Variants in CHN1 observed in about 807,000 individuals in gnomAD.
CHN1 encodes the protein N-chimaerin.
In CHN1, 37 loss-of-function variants were observed where a neutral mutation model predicts 59.5. The observed-to-expected ratio is 0.62, with a 90% CI of 0.48 to 0.82. CHN1 has a LOEUF of 0.82. CHN1 is among the 40% of genes least tolerant of loss of function. The probability of loss-of-function intolerance (pLI) is 0.00; values close to 1 mark genes in which losing one functional copy is unlikely to be tolerated. For missense variants in CHN1, 469 were observed against 571.0 expected, an observed-to-expected ratio of 0.82 and a Z score of 1.82; for synonymous variants, 206 against 200.4, an observed-to-expected ratio of 1.03 and a Z score of -0.24.
At chr2:174,974,898 T>TAC (rs373940330) in intron 1 of CHN1, among the ~76,000 whole-genome samples, 32,461 of 143,798 alleles carry the variant, frequency 0.23, 3,664 homozygotes, top group African/African-American at 0.27. Context: ...AAATAATTAA[T>TAC]ACACACACAC....
At chr2:174,828,057 G>A (rs1266120149) in intron 7 of CHN1, among the ~76,000 whole-genome samples, 2 of 152,182 alleles carry the variant, frequency 1.3e-5, no homozygotes, top group African/African-American at 2.4e-5. Context: ...TCCCTGAGTT[G>A]GGAGGGAAGA....
chr2:174,896,200 T>C (rs1196251084), intron 5 of CHN1, among the ~76,000 whole-genome samples: 1 of 152,138 alleles, frequency 6.6e-6, no homozygotes, highest in East Asian at 1.9e-4. Flanking sequence ...CTGGTTTGTA[T>C]TCCTGAGGTA....
intron 7 of CHN1, chr2:174,846,309 G>A (rs758577600): frequency 1.0e-4 from 154 of 1,546,864 alleles, no homozygotes; most frequent in Non-Finnish European, 1.2e-4. Flanking sequence ...CTACACATAC[G>A]CATACATGGT....
At chr2:174,987,540 T>TG (rs1200111213) in intron 1 of CHN1, among the ~76,000 whole-genome samples, 1 of 152,018 alleles carries the variant, frequency 6.6e-6, no homozygotes, top group Non-Finnish European at 1.5e-5. Context: ...CCCGAGTAGC[T>TG]GGGATAACAA....
intron 7 of CHN1, among the ~76,000 whole-genome samples, chr2:174,830,769 C>A (rs371171427): frequency 2.2e-4 from 34 of 152,278 alleles, no homozygotes; most frequent in African/African-American, 7.9e-4. Context: ...GGAAGGGGCG[C>A]AGGTGCTAAT....
intron 2 of CHN1, among the ~76,000 whole-genome samples, chr2:174,947,632 C>T (rs1689887018): frequency 6.6e-6 from 1 of 151,708 alleles, no homozygotes; most frequent in Non-Finnish European, 1.5e-5. Flanking sequence ...TACAGGCACA[C>T]ACCACCACGT....
intron 5 of CHN1, among the ~76,000 whole-genome samples, chr2:174,900,355 T>A (rs550624194): frequency 5.3e-5 from 8 of 152,044 alleles, no homozygotes; most frequent in African/African-American, 1.9e-4. Flanking sequence ...AATGAAAAAA[T>A]TAGCCAGGTG....
intron 7 of CHN1, among the ~76,000 whole-genome samples, chr2:174,842,374 C>A (rs990753609): frequency 6.6e-6 from 1 of 151,988 alleles, no homozygotes; most frequent in Admixed American, 6.6e-5. Flanking sequence ...AGTTCCTTTT[C>A]AAATCAACGT....
In CHN1 at chr2:174,809,019, CAG is replaced by C. The variant is rs1380348126; in HGVS notation, c.986_987del (p.Ser329CysfsTer5). Reference protein sequence around the residue: ...FDRDGEKADISVNMYEDINII... With the variant: ...FDRDGEKADIXVNMYEDINII... Reference sequence around the variant, plus strand: ...ATGTTGATATCTTCATACATGTTCACAGAAATATCTGCCTTCTCACCATCTTT... The same window carrying C: ...ATGTTGATATCTTCATACATGTTCACAAATATCTGCCTTCTCACCATCTTT... On this transcript the variant is annotated frameshift_variant, in exon 11 of 13. Transcript: ENST00000409900. LOFTEE classifies it high-confidence loss of function. 1 of 1,609,132 alleles carries C rather than the reference CAG, an allele frequency of 6.2e-7. No individual in the cohort carries two copies. Among genetic ancestry groups the C allele is most frequent in the African/African-American group, 1.3e-5 (1 of 74,830 alleles).
chr2:174,846,425 GA>G (rs1481198660), intron 7 of CHN1: 2 of 1,536,454 alleles, frequency 1.3e-6, no homozygotes, highest in East Asian at 2.5e-5. Flanking sequence ...TAACAGGGGA[GA>G]AAAGACAGAA....
intron 1 of CHN1, among the ~76,000 whole-genome samples, chr2:174,957,195 G>A (rs201924527): frequency 3.3e-5 from 5 of 152,238 alleles, no homozygotes; most frequent in Admixed American, 1.3e-4. Context: ...ACTTTAGCAC[G>A]AGGCTTGGGG....
intron 3 of CHN1, among the ~76,000 whole-genome samples, chr2:174,923,288 C>G (rs909497986): frequency 1.3e-5 from 2 of 152,062 alleles, no homozygotes; most frequent in Non-Finnish European, 2.9e-5. Flanking sequence ...CTACAGGCGC[C>G]CGCCACCATG....
chr2:174,980,286 T>C (rs1203839501), intron 1 of CHN1, among the ~76,000 whole-genome samples: 2 of 152,162 alleles, frequency 1.3e-5, no homozygotes, highest in Admixed American at 6.5e-5. Context: ...CTTGCTTGTT[T>C]ACTTGAAAAC....
chr2:174,860,555 T>C (rs548371135), intron 6 of CHN1, among the ~76,000 whole-genome samples: 26 of 152,292 alleles, frequency 1.7e-4, no homozygotes, highest in African/African-American at 6.3e-4. Context: ...ATACATTTTA[T>C]TGAGTATCTA....
intron 5 of CHN1, among the ~76,000 whole-genome samples, chr2:174,904,256 G>A (rs1574147574): frequency 6.6e-6 from 1 of 151,236 alleles, no homozygotes; most frequent in Non-Finnish European, 1.5e-5. Flanking sequence ...GCAAAACTCC[G>A]TCTCAAAAAA....
chr2:174,839,181 G>C (rs1473350523), intron 7 of CHN1, among the ~76,000 whole-genome samples: 1 of 152,000 alleles, frequency 6.6e-6, no homozygotes, highest in African/African-American at 2.4e-5. Context: ...TTTGTAGTGA[G>C]AACACTTAAA....
intron 1 of CHN1, among the ~76,000 whole-genome samples, chr2:174,990,980 A>G (rs1691528791): frequency 6.6e-6 from 1 of 152,214 alleles, no homozygotes; most frequent in Non-Finnish European, 1.5e-5. Context: ...TTTTTTTCAG[A>G]ATTAAATATT....
intron 5 of CHN1, among the ~76,000 whole-genome samples, chr2:174,900,029 G>GC (rs1258493729): frequency 6.6e-6 from 1 of 152,150 alleles, no homozygotes. Flanking sequence ...GATACAGTAT[G>GC]CAACAATCCC....
intron 7 of CHN1, among the ~76,000 whole-genome samples, chr2:174,844,236 A>G (rs1686421970): frequency 6.6e-6 from 1 of 151,894 alleles, no homozygotes; most frequent in African/African-American, 2.4e-5. Context: ...ATAACATAGC[A>G]AAAGGGAAGC....
Sources: allele counts gnomAD v4.1 joint callset (sites outside exome capture counted in the v4.1 genomes callset), GRCh38; gene constraint gnomAD v4.1.1; transcripts MANE v1.5; gene names NCBI Gene and HGNC (gene_info 2026-07-23, HGNC 2026-07-21).